NOL4: variants seen among roughly 807,000 people sequenced by gnomAD.
NOL4 encodes cancer/testis antigen 125.
Under a neutral mutation model 75.9 loss-of-function variants are expected in NOL4, and 17 were observed. That is an observed-to-expected ratio of 0.22 (90% CI 0.15 to 0.34). The LOEUF is 0.34. NOL4 is among the 10% of genes least tolerant of loss of function. The pLI, the probability that NOL4 is intolerant of heterozygous loss-of-function variation, is 1.00. For missense variants in NOL4, 614 were observed against 793.5 expected (o/e 0.77, Z 2.72); for synonymous variants, 292 against 289.9 (o/e 1.01, Z -0.07).
At chr18:34,204,257 C>T (rs2035965622) in intron 1 of NOL4, among the ~76,000 whole-genome samples, 1 of 152,064 alleles carries the variant, frequency 6.6e-6, no homozygotes, top group South Asian at 2.1e-4. Flanking sequence ...GAGTTCTAAA[C>T]CCCTTATCAC....
At chr18:34,076,458 G>T (rs1179885157) in intron 5 of NOL4, among the ~76,000 whole-genome samples, 1 of 152,122 alleles carries the variant, frequency 6.6e-6, no homozygotes, top group Admixed American at 6.6e-5. Context: ...AAAAAATACT[G>T]CCCATTAACT....
chr18:34,013,225 C>T (rs2074479948), intron 6 of NOL4, among the ~76,000 whole-genome samples: 1 of 151,886 alleles, frequency 6.6e-6, no homozygotes, highest in South Asian at 2.1e-4. Context: ...CTTTTATACT[C>T]TCCACCACCT....
rs566434697 is a variant in NOL4 at position 33,881,810 on chromosome 18, C to A, written c.1723+1434G>T. Among the ~76,000 whole-genome samples the A allele has an allele frequency of 4.6e-5, 7 of 152,234 alleles. No homozygotes were observed. In the South Asian group the frequency reaches 1.5e-3, roughly 32 times the overall value. On this transcript the variant is annotated intron_variant, in intron 10 of 10. Coordinates refer to ENST00000261592, the MANE Select transcript of NOL4 (RefSeq NM_003787.5). ...TGCTACCTGACTTCAAACTATACTACAAGGCTACAGTAACCAAAACAGCAT... is the reference window on the plus strand; with the variant it reads ...TGCTACCTGACTTCAAACTATACTAAAAGGCTACAGTAACCAAAACAGCAT...
intron 4 of NOL4, among the ~76,000 whole-genome samples, chr18:34,098,414 A>T (rs1449134997): frequency 6.6e-6 from 1 of 152,136 alleles, no homozygotes. Context: ...AGCATAAAGG[A>T]GCATCAAGGA....
chr18:34,191,065 A>G (rs1385243603), intron 1 of NOL4, among the ~76,000 whole-genome samples: 1 of 152,158 alleles, frequency 6.6e-6, no homozygotes, highest in Non-Finnish European at 1.5e-5. Context: ...TAGAACAGAA[A>G]GTAGAAAGAC....
intron 2 of NOL4, among the ~76,000 whole-genome samples, chr18:34,121,759 A>G (rs984607844): frequency 4.6e-5 from 7 of 152,192 alleles, no homozygotes; most frequent in Non-Finnish European, 1.0e-4. Context: ...GGTTTCCTTT[A>G]TAAAATGTCT....
chr18:34,043,740 G>A lies in NOL4; in HGVS notation c.773-24139C>T, dbSNP rs1043972458. 2.0e-5 allele frequency among the ~76,000 whole-genome samples: 3 copies of A among 152,086 alleles called. No homozygotes were observed. The East Asian group carries it at 5.8e-4, about 29-fold the overall frequency. ...AAATTAAAGGGTGCACAGTGTAAGG[G>A]TTAAGGGATAAGTTTTCTTTGAATC... is the stretch of plus-strand genomic sequence containing the variant. On this transcript the variant is annotated intron_variant, in intron 5 of 10. Transcript: ENST00000261592.
chr18:34,144,211 T>C (rs2081307623), intron 1 of NOL4, among the ~76,000 whole-genome samples: 1 of 152,192 alleles, frequency 6.6e-6, no homozygotes, highest in South Asian at 2.1e-4. Flanking sequence ...TTTATATCAT[T>C]CAACCTTTGG....
chr18:33,865,632 G>A (rs1193846256), intron 10 of NOL4, among the ~76,000 whole-genome samples: 1 of 152,010 alleles, frequency 6.6e-6, no homozygotes, highest in African/African-American at 2.4e-5. Context: ...GATAACAACA[G>A]GACCAAATAT....
At chr18:34,090,415 G>A (rs1021604375) in intron 5 of NOL4, among the ~76,000 whole-genome samples, 1 of 152,124 alleles carries the variant, frequency 6.6e-6, no homozygotes, top group Non-Finnish European at 1.5e-5. Context: ...TCTGAAGAAT[G>A]TTAACAATTA....
At chr18:33,910,059 A>G (rs1335001769) in intron 9 of NOL4, among the ~76,000 whole-genome samples, 1 of 152,230 alleles carries the variant, frequency 6.6e-6, no homozygotes, top group Non-Finnish European at 1.5e-5. Context: ...ACACAGAAAT[A>G]CATCCTACAT....
intron 9 of NOL4, among the ~76,000 whole-genome samples, chr18:33,939,127 A>C (rs555153889): frequency 6.6e-6 from 1 of 151,910 alleles, no homozygotes; most frequent in Non-Finnish European, 1.5e-5. Flanking sequence ...CTCTGTTCCA[A>C]TGGTCTATAC....
At chr18:33,937,662 A>T (rs536078549) in intron 9 of NOL4, among the ~76,000 whole-genome samples, 1 of 152,238 alleles carries the variant, frequency 6.6e-6, no homozygotes, top group East Asian at 1.9e-4. Context: ...GTTTGATTCA[A>T]CTAATAGAGG....
At chr18:34,122,755 T>C (rs939558235) in intron 2 of NOL4, among the ~76,000 whole-genome samples, 1 of 152,154 alleles carries the variant, frequency 6.6e-6, no homozygotes, top group Non-Finnish European at 1.5e-5. Flanking sequence ...TCATTGCAAA[T>C]TCATTACCTA....
At chr18:33,931,217 A>G (rs1289106418) in intron 9 of NOL4, among the ~76,000 whole-genome samples, 1 of 152,178 alleles carries the variant, frequency 6.6e-6, no homozygotes, top group Non-Finnish European at 1.5e-5. Context: ...TAATCTGACA[A>G]TTTAGGATTC....
intron 2 of NOL4, among the ~76,000 whole-genome samples, chr18:34,129,286 T>C (rs895675465): frequency 4.6e-5 from 7 of 151,872 alleles, no homozygotes; most frequent in Non-Finnish European, 7.4e-5. Flanking sequence ...TATACTTCCA[T>C]TTTTAAACTT....
chr18:34,169,805 C>T (rs2032836796), intron 1 of NOL4, among the ~76,000 whole-genome samples: 1 of 152,134 alleles, frequency 6.6e-6, no homozygotes, highest in Non-Finnish European at 1.5e-5. Context: ...CAAAATCCCA[C>T]ATCCATTTCT....
chr18:33,909,581 G>A (rs951232082), intron 9 of NOL4, among the ~76,000 whole-genome samples: 13 of 152,050 alleles, frequency 8.5e-5, no homozygotes, highest in African/African-American at 2.9e-4. Flanking sequence ...TCCTGAGTTA[G>A]AGACTCAGGA....
chr18:33,887,890 G>A (rs1178887443), intron 9 of NOL4, among the ~76,000 whole-genome samples: 1 of 152,068 alleles, frequency 6.6e-6, no homozygotes, highest in Non-Finnish European at 1.5e-5. Context: ...ACGTGTGCAT[G>A]TGTCTTTATA....
Sources: gnomAD v4.1 joint callset for allele counts (sites outside exome capture counted in the v4.1 genomes callset) on GRCh38, gnomAD v4.1.1 for gene constraint, MANE v1.5 for transcripts, NCBI Gene and HGNC (gene_info 2026-07-23, HGNC 2026-07-21) for gene names.